Variants in CENPW observed in about 807,000 individuals in gnomAD.
CENPW encodes the protein centromere protein W, also known as cancer-up-regulated gene 2 protein.
CENPW carries 3 observed loss-of-function variants against 11.1 expected under a neutral mutation model. The ratio of observed to expected loss-of-function variants is 0.27; its 90% CI spans 0.12 to 0.70. The LOEUF (loss-of-function observed/expected upper bound fraction) is 0.70. Ranked by LOEUF, CENPW falls within the 30% of genes least tolerant of loss-of-function variation. CENPW has a pLI of 0.77. For missense variants in CENPW, 100 were observed against 105.6 expected (o/e 0.95, Z 0.23); for synonymous variants, 38 against 42.0 (o/e 0.91, Z 0.37).
chr6:126,429,253 T>C, the CENPW span, among the ~76,000 whole-genome samples: 2 of 152,224 alleles, frequency 1.3e-5, no homozygotes, highest in African/African-American at 4.8e-5. Flanking sequence ...ATTATTGTTC[T>C]ATTTCTTTAC....
chr6:126,430,793 C>T, the CENPW span, among the ~76,000 whole-genome samples: 1 of 151,866 alleles, frequency 6.6e-6, no homozygotes, highest in East Asian at 1.9e-4. Flanking sequence ...CTACTTAAAA[C>T]AAAAATTAGC....
the CENPW span, among the ~76,000 whole-genome samples, chr6:126,417,081 A>G: frequency 6.6e-6 from 1 of 152,164 alleles, no homozygotes. Flanking sequence ...GGGTGGAGCT[A>G]CCCAAGACCA....
the CENPW span, among the ~76,000 whole-genome samples, chr6:126,372,641 AT>A: frequency 9.2e-5 from 14 of 152,292 alleles, no homozygotes; most frequent in Middle Eastern, 3.4e-3. Context: ...AGATCATGAA[AT>A]TGCTGAAATA....
the CENPW span, among the ~76,000 whole-genome samples, chr6:126,457,400 C>T: frequency 6.6e-6 from 1 of 151,308 alleles, no homozygotes; most frequent in African/African-American, 2.4e-5. Context: ...AACGAGATCA[C>T]GTCTTTGCAG....
the CENPW span, among the ~76,000 whole-genome samples, chr6:126,448,482 A>T: frequency 6.6e-6 from 1 of 151,108 alleles, no homozygotes; most frequent in East Asian, 1.9e-4. Context: ...TCTACAATCA[A>T]GTGTGGGGTA....
At chr6:126,366,013 A>G in the CENPW span, among the ~76,000 whole-genome samples, 1 of 152,208 alleles carries the variant, frequency 6.6e-6, no homozygotes, top group East Asian at 1.9e-4. Flanking sequence ...GAGGAAAAAC[A>G]TTAGTTTTTA....
the CENPW span, among the ~76,000 whole-genome samples, chr6:126,436,720 C>T: frequency 3.3e-5 from 5 of 151,632 alleles, no homozygotes; most frequent in African/African-American, 1.2e-4. Flanking sequence ...CTAATCATAA[C>T]CCCCCTTTTC....
the CENPW span, among the ~76,000 whole-genome samples, chr6:126,399,416 G>A: frequency 6.6e-6 from 1 of 152,022 alleles, no homozygotes; most frequent in African/African-American, 2.4e-5. Flanking sequence ...ATTTCACCAG[G>A]TATTGACAGA....
chr6:126,420,506 C>G, the CENPW span, among the ~76,000 whole-genome samples: 1 of 152,140 alleles, frequency 6.6e-6, no homozygotes, highest in Non-Finnish European at 1.5e-5. Context: ...TAGATGGAGA[C>G]AGGTAAGCTT....
chr6:126,420,471 C>T, the CENPW span, among the ~76,000 whole-genome samples: 3 of 152,068 alleles, frequency 2.0e-5, no homozygotes, highest in Non-Finnish European at 4.4e-5. Flanking sequence ...AGCATAGCAA[C>T]TGGAAATTGA....
At chr6:126,359,009 G>T in the CENPW span, among the ~76,000 whole-genome samples, 2 of 151,322 alleles carry the variant, frequency 1.3e-5, no homozygotes. Context: ...GTTCCTCTAG[G>T]TGCAAAGTTA....
chr6:126,456,855 CA>C, the CENPW span, among the ~76,000 whole-genome samples: 5 of 150,766 alleles, frequency 3.3e-5, no homozygotes, highest in Non-Finnish European at 7.4e-5. Context: ...AATTAACAAG[CA>C]AAAAACAACC....
the CENPW span, among the ~76,000 whole-genome samples, chr6:126,450,791 T>G: frequency 4.6e-5 from 7 of 150,918 alleles, no homozygotes. Flanking sequence ...CTAACAATTG[T>G]CAAATTTATT....
chr6:126,340,163 G>A lies in CENPW; in HGVS notation c.-111G>A. ...CGTTCGGACTGAGGTTTTTCTGCCTGAAGAAGCGTCATACGGACCGGATTG... is the reference window on the plus strand; with the variant it reads ...CGTTCGGACTGAGGTTTTTCTGCCTAAAGAAGCGTCATACGGACCGGATTG... On this transcript the variant is annotated 5_prime_UTR_variant, in exon 1 of 3. Coordinates refer to ENST00000368328, the MANE Select transcript of CENPW (RefSeq NM_001012507.4). 10 of 1,010,764 alleles carry A rather than the reference G, an allele frequency of 9.9e-6. No homozygotes were observed. Among genetic ancestry groups the A allele is most frequent in the Non-Finnish European group, 6.0e-6 (4 of 670,060 alleles). 62.6% of individuals were successfully genotyped at this position (1,010,764 alleles called of 1,614,324 possible). A position where few individuals can be genotyped will look rare whatever the true frequency, so the allele number is the denominator to read the frequency against.
the CENPW span, among the ~76,000 whole-genome samples, chr6:126,387,064 CAAT>C: frequency 1.3e-5 from 2 of 151,964 alleles, no homozygotes; most frequent in South Asian, 4.1e-4. Flanking sequence ...ACTAGTGAAA[CAAT>C]AAATCTAGAG....
At chr6:126,416,494 A>C in the CENPW span, among the ~76,000 whole-genome samples, 1 of 152,206 alleles carries the variant, frequency 6.6e-6, no homozygotes, top group Non-Finnish European at 1.5e-5. Flanking sequence ...TCTCCAGGGC[A>C]TGTCAGAGGC....
the CENPW span, among the ~76,000 whole-genome samples, chr6:126,470,425 T>A: frequency 1.3e-5 from 2 of 152,214 alleles, no homozygotes; most frequent in East Asian, 1.9e-4. Flanking sequence ...ACAGGATGTA[T>A]GGAAATGCCT....
the CENPW span, among the ~76,000 whole-genome samples, chr6:126,371,281 AGGGTTTT>A: frequency 6.6e-6 from 1 of 152,182 alleles, no homozygotes; most frequent in Admixed American, 6.5e-5. Flanking sequence ...GATTTTACTG[AGGGTTTT>A]AATCATAAAG....
chr6:126,431,890 C>T, the CENPW span, among the ~76,000 whole-genome samples: 1 of 151,672 alleles, frequency 6.6e-6, no homozygotes, highest in Admixed American at 6.6e-5. Context: ...CATAGTGAAA[C>T]CCCATCTCTA....
Sources: allele counts gnomAD v4.1 joint callset (sites outside exome capture counted in the v4.1 genomes callset), GRCh38; gene constraint gnomAD v4.1.1; transcripts MANE v1.5; gene names NCBI Gene and HGNC (gene_info 2026-07-23, HGNC 2026-07-21).